Variants in CARMIL3 observed in about 807,000 individuals in gnomAD.
The protein encoded by CARMIL3 is capping protein, Arp2/3 and myosin-I linker protein 3.
A neutral mutation model predicts 180.8 loss-of-function variants in CARMIL3; 88 were observed. The observed-to-expected ratio is 0.49, with a 90% CI of 0.41 to 0.58. The LOEUF is 0.58. Ranked by LOEUF, CARMIL3 falls within the 20% of genes least tolerant of loss-of-function variation. CARMIL3 has a pLI of 0.00. For synonymous variants in CARMIL3, 696 were observed against 714.5 expected (o/e 0.97, Z 0.41); for missense variants, 1,548 against 1,787.0 (o/e 0.87, Z 2.41).
In CARMIL3 at chr14:24,058,068, G is replaced by T; in HGVS notation, c.1322+4G>T. ...AGCTGCCCCTGGAGGCCCTCAGGTC[G>T]GGTGGGTGCAGGGTTGGGGGCGCAT... On this transcript the variant is annotated splice_donor_region_variant and intron_variant, in intron 16 of 39. Coordinates refer to ENST00000342740, the MANE Select transcript of CARMIL3 (RefSeq NM_138360.4). This position sits in a 1 kb window ranked among gnomAD's most constrained non-coding sequence, Gnocchi z 6.4. The T allele has an allele frequency of 6.2e-7, 1 of 1,613,796 alleles. No individual in the cohort carries two copies. Among genetic ancestry groups the T allele is most frequent in the Non-Finnish European group, 8.5e-7 (1 of 1,180,008 alleles).
chr14:24,056,224 A>C, intron 10 of CARMIL3, 75 bp from the exon 11 acceptor site: 2 of 1,213,164 alleles, frequency 1.6e-6, no homozygotes, highest in Non-Finnish European at 2.4e-6. Flanking sequence ...GCAGTCAGGT[A>C]GAGGAGGAGG....
chr14:24,056,419 C>T lies in CARMIL3; in HGVS notation c.865+26C>T, dbSNP rs139731838. On this transcript the variant is annotated intron_variant, in intron 11 of 39. Coordinates refer to ENST00000342740, the MANE Select transcript of CARMIL3 (RefSeq NM_138360.4). ...GTGAGCCCCAGCCCTGAATCCTGTC[C>T]CCATCCCAATGCAGACCCCTGTCCT... 1.0e-4 allele frequency: 163 copies of T among 1,602,844 alleles called. 2 individuals are homozygous for T. In the African/African-American group the frequency reaches 1.3e-3, roughly 12 times the overall value.
In CARMIL3 at chr14:24,061,459, C is replaced by G; in HGVS notation, c.2305-38C>G. 1 of 1,591,548 alleles carries G rather than the reference C, an allele frequency of 6.3e-7. No homozygotes were observed. Among genetic ancestry groups the G allele is most frequent in the African/African-American group, 1.3e-5 (1 of 74,640 alleles). On this transcript the variant is annotated intron_variant, in intron 26 of 39. Transcript: ENST00000342740. This position sits in a 1 kb window ranked among gnomAD's most constrained non-coding sequence, Gnocchi z 4.1. Reference sequence around the variant, plus strand: ...GCTGTGGTGCCAGCCCTGATCCTGTCCCCCTTGGGCCTCTGGCCTCCCTTT... The same window carrying G: ...GCTGTGGTGCCAGCCCTGATCCTGTGCCCCTTGGGCCTCTGGCCTCCCTTT...
In CARMIL3 at chr14:24,058,225, G is replaced by A; in HGVS notation, c.1392+1G>A. 1 of 1,613,126 alleles carries A rather than the reference G, an allele frequency of 6.2e-7. No individual in the cohort carries two copies. Among genetic ancestry groups the A allele is most frequent in the East Asian group, 2.2e-5 (1 of 44,826 alleles). On this transcript the variant is annotated splice_donor_variant, in intron 17 of 39. Coordinates refer to ENST00000342740, the MANE Select transcript of CARMIL3 (RefSeq NM_138360.4). LOFTEE classifies it high-confidence loss of function. This position sits in a 1 kb window ranked among gnomAD's most constrained non-coding sequence, Gnocchi z 6.4. ...GCACCTGGATCTCAGCAGCTGCGAG[G>A]TGAGCCCTCAGTCCCCAACCCCTCT...
intron 24 of CARMIL3, 45 bp from the exon 25 acceptor site, chr14:24,060,583 T>C (rs773669809): frequency 6.2e-7 from 1 of 1,606,014 alleles, no homozygotes; most frequent in African/African-American, 1.3e-5. Flanking sequence ...CCTGCGAAGA[T>C]GTGGAAGCAG....
rs370538792 is a variant in CARMIL3, at chr14:24,062,814, G to A, written c.2674G>A (p.Glu892Lys). 181 of 1,612,634 alleles carry A rather than the reference G, an allele frequency of 1.1e-4. No homozygotes were observed. The highest frequency in any genetic ancestry group is 1.4e-4 in the Non-Finnish European group (169 of 1,179,448). ...RGRGRNHDHE[E>K]TTDDELGTNI... The stretch of plus-strand genomic sequence containing the variant: ...CCGAGGCCGGAACCATGACCATGAG[G>A]AGACCACAGATGATGAACTTGGGAC... The change falls in exon 29 of 40, where the codon GAG (glutamate) becomes AAG (lysine). Residue 892 changes from glutamate to lysine, a missense_variant. Physicochemically the swap from Glu to Lys is moderately conservative, Grantham distance 56. Transcript: ENST00000342740.
rs1390963300 is a variant in CARMIL3 at position 24,053,780 on chromosome 14, A to G, written c.112A>G (p.Lys38Glu). 2 of 1,613,536 alleles carry G rather than the reference A, an allele frequency of 1.2e-6. No individual in the cohort carries two copies. The highest frequency in any genetic ancestry group is 2.7e-5 in the African/African-American group (2 of 75,040). Residue 38 changes from lysine to glutamate, a missense_variant, in exon 2 of 40, where the codon AAG becomes GAG. Around this residue, in one of 4 missense-constraint regions of CARMIL3, gnomAD observed 578 missense variants for 666.5 expected, o/e 0.87. Transcript: ENST00000342740. ...TCATGTGAAGTTGGAGACAAAGCCC[A>G]AGAAGTTTGAGGACCGAGTGCTGGT... ...QHHVKLETKPKKFEDRVLALT... is the reference protein window; with the variant it reads ...QHHVKLETKPEKFEDRVLALT...
chr14:24,053,453 CCT>C (rs1351865871), intron 1 of CARMIL3, among the ~76,000 whole-genome samples: 4 of 152,242 alleles, frequency 2.6e-5, no homozygotes, highest in East Asian at 1.9e-4. Flanking sequence ...GCAACCGTCC[CCT>C]GACTCAGGGA....
rs1370464331 is a variant in CARMIL3, at chr14:24,053,712, G to A, written c.44G>A (p.Ser15Asn). 8.1e-6 allele frequency: 13 copies of A among 1,608,808 alleles called. No individual in the cohort carries two copies. Among genetic ancestry groups the A allele is most frequent in the Non-Finnish European group, 9.3e-6 (11 of 1,177,046 alleles). Reference protein sequence around the residue: ...SVELTRELQDSIRRCLSQGAV... With the variant: ...SVELTRELQDNIRRCLSQGAV... ...GCAGGCTCCCACCCCCCCTCAGACA[G>A]CATCCGGAGGTGCCTGAGCCAAGGG... is the stretch of plus-strand genomic sequence containing the variant. The change falls in exon 2 of 40, where the codon AGC (serine) becomes AAC (asparagine). Residue 15 changes from serine to asparagine, a missense_variant. Around this residue, in one of 4 missense-constraint regions of CARMIL3, gnomAD observed 578 missense variants for 666.5 expected, o/e 0.87. Transcript: ENST00000342740.
intron 32 of CARMIL3, 40 bp downstream of exon 32, chr14:24,064,386 A>G: frequency 7.0e-7 from 1 of 1,435,948 alleles, no homozygotes; most frequent in Non-Finnish European, 9.7e-7. Flanking sequence ...AGCAGGCCCC[A>G]AGGCCCTAGA....
intron 1 of CARMIL3, 98 bp from the exon 2 acceptor site, chr14:24,053,611 C>T (rs955119818): frequency 8.6e-6 from 7 of 815,284 alleles, no homozygotes; most frequent in Non-Finnish European, 1.2e-5. Context: ...TCTCTCTTAT[C>T]CCATTTGACC....
intron 13 of CARMIL3, 31 bp from the exon 14 acceptor site, chr14:24,057,136 C>T: frequency 6.2e-7 from 1 of 1,609,466 alleles, no homozygotes; most frequent in Non-Finnish European, 8.5e-7. Context: ...ATCATCCCTT[C>T]CCCTGCAACC....
At chr14:24,062,640 C>A in intron 28 of CARMIL3, 69 bp from the exon 29 acceptor site, 1 of 1,612,976 alleles carries the variant, frequency 6.2e-7, no homozygotes, top group Non-Finnish European at 8.5e-7. Context: ...TCCCTAATCA[C>A]CCTCCCCTTC....
In CARMIL3 at chr14:24,064,237, T is replaced by C; in HGVS notation, c.2980-9T>C. 6.2e-7 allele frequency: 1 copy of C among 1,605,828 alleles called. No individual in the cohort carries two copies. The highest frequency in any genetic ancestry group is 8.5e-7 in the Non-Finnish European group (1 of 1,175,556). On this transcript the variant is annotated splice_polypyrimidine_tract_variant and intron_variant, in intron 31 of 39. Transcript: ENST00000342740. Reference sequence around the variant, plus strand: ...GATGAGATGTCCCACGGGACTTTCCTCCCAGCAGATGCCAGCACCTGGGAC... The same window carrying C: ...GATGAGATGTCCCACGGGACTTTCCCCCCAGCAGATGCCAGCACCTGGGAC...
chr14:24,059,397 G>T lies in CARMIL3; in HGVS notation c.1754G>T (p.Gly585Val). The change falls in exon 21 of 40, where the codon GGG becomes GTG. Residue 585 changes from glycine (G) to valine (V), a missense_variant. Transcript: ENST00000342740. This position sits in a 1 kb window ranked among gnomAD's most constrained non-coding sequence, Gnocchi z 6.3. ...AGCGGCAATGGCATGGAGGACATCG[G>T]GGCCAAGATGCTGTCTAAGGCCCTG... ...DLSGNGMEDI[G>V]AKMLSKALQI... 6.2e-7 allele frequency: 1 copy of T among 1,605,448 alleles called. No individual in the cohort carries two copies. The highest frequency in any genetic ancestry group is 2.3e-5 in the East Asian group (1 of 44,182).
At chr14:24,060,495 A>G (rs574739906) in intron 24 of CARMIL3, 133 bp from the exon 25 acceptor site, 4 of 1,374,826 alleles carry the variant, frequency 2.9e-6, no homozygotes, top group African/African-American at 2.9e-5. Flanking sequence ...GGCTGTAGCA[A>G]TGGGGACCAG....
chr14:24,056,336 A>C lies in CARMIL3; in HGVS notation c.808A>C (p.Asn270His). Residue 270 changes from asparagine to histidine, a missense_variant, in exon 11 of 40, where the codon AAC becomes CAC. By Grantham distance (68) the Asn-to-His change is moderately conservative. This residue lies in a region of CARMIL3 where 578 missense variants were observed against 666.5 expected (regional missense o/e 0.87). Transcript: ENST00000342740. ...VQKLAGVFGE[N>H]GSCVLHALTL... ...GAAGCTGGCCGGGGTGTTTGGGGAG[A>C]ACGGGAGCTGTGTGCTGCATGCCCT... The C allele has an allele frequency of 6.2e-7, 1 of 1,613,924 alleles. No homozygotes were observed. Among genetic ancestry groups the C allele is most frequent in the Non-Finnish European group, 8.5e-7 (1 of 1,179,910 alleles).
At position 24,062,489 on chromosome 14, in the gene CARMIL3, G is replaced by A. The variant is rs1366091849; in HGVS notation, c.2490G>A (p.Lys830=). The stretch of plus-strand genomic sequence containing the variant: ...CCACCTGTGCCCACAGTGAAGTGAA[G>A]CTCTCAGTCGTCACCTACCTAACCA... ...QDIQNKLDEV[K]LSVVTYLTSS... is the part of the protein sequence containing the mutation. The change falls in exon 28 of 40, where the codon AAG becomes AAA. Residue 830 remains lysine (K), a synonymous_variant. Coordinates refer to ENST00000342740, the MANE Select transcript of CARMIL3 (RefSeq NM_138360.4). 1.2e-6 allele frequency: 2 copies of A among 1,614,034 alleles called. No individual in the cohort carries two copies. The highest frequency in any genetic ancestry group is 1.3e-5 in the African/African-American group (1 of 74,914).
chr14:24,066,511 G>T, intron 35 of CARMIL3, 47 bp downstream of exon 35: 1 of 1,613,222 alleles, frequency 6.2e-7, no homozygotes, highest in South Asian at 1.1e-5. Context: ...TCTCTCAGGG[G>T]TCAAATTTAC....
Sources: allele counts gnomAD v4.1 joint callset (sites outside exome capture counted in the v4.1 genomes callset), GRCh38; gene constraint gnomAD v4.1.1; regional missense constraint gnomAD v4.1.1; non-coding constraint Gnocchi (gnomAD v3.1); transcripts MANE v1.5; gene names NCBI Gene and HGNC (gene_info 2026-07-23, HGNC 2026-07-21).